Variants in SDK1 observed in about 807,000 individuals in gnomAD.
SDK1 encodes the protein sidekick cell adhesion molecule 1, also known as protein sidekick-1.
A neutral mutation model predicts 245.5 loss-of-function variants in SDK1; 157 were observed. That is an observed-to-expected ratio of 0.64 (90% confidence interval 0.56 to 0.73). The LOEUF (loss-of-function observed/expected upper bound fraction) is 0.73. Ranked by LOEUF, SDK1 falls within the 30% of genes least tolerant of loss-of-function variation. The pLI is 0.00. For missense variants in SDK1, 3,583 were observed against 3,002.3 expected (o/e 1.19, Z -4.52); for synonymous variants, 1,647 against 1,278.5 (o/e 1.29, Z -6.15).
chr7:3,669,962 A>C (rs990769913), intron 4 of SDK1, among the ~76,000 whole-genome samples: 1 of 152,216 alleles, frequency 6.6e-6, no homozygotes, highest in Non-Finnish European at 1.5e-5. Context: ...AGAACCAAGG[A>C]ATTATCCTTG....
rs572656272 is a variant in SDK1, at chr7:3,954,614, C to T, written c.1150+2694C>T. Among the ~76,000 whole-genome samples the T allele has an allele frequency of 1.0e-4, 13 of 127,206 alleles. No individual in the cohort carries two copies. The East Asian group carries it at 2.9e-3, about 29-fold the overall frequency. The allele number at this position is 127,206 out of a possible 152,430, so 83.5% of individuals were successfully genotyped here. On this transcript the variant is annotated intron_variant, in intron 7 of 44. Coordinates refer to ENST00000404826, the MANE Select transcript of SDK1 (RefSeq NM_152744.4). ...TCCGCCCTCCGTTCCCACCTCCCCT[C>T]TACACCTTCCCCTCTGGCCTCCCCT...
intron 1 of SDK1, among the ~76,000 whole-genome samples, chr7:3,475,353 C>G (rs781468015): frequency 2.0e-5 from 3 of 152,202 alleles, no homozygotes; most frequent in Admixed American, 6.5e-5. Flanking sequence ...CCTATTCGCA[C>G]TGGTTCATAG....
intron 13 of SDK1, among the ~76,000 whole-genome samples, chr7:3,985,545 G>A (rs1206313262): frequency 6.6e-6 from 1 of 152,156 alleles, no homozygotes. Context: ...CCAGCACTTC[G>A]AGAGGCCGAG....
intron 13 of SDK1, among the ~76,000 whole-genome samples, chr7:3,980,464 G>C (rs1783316999): frequency 6.6e-6 from 1 of 152,170 alleles, no homozygotes; most frequent in Non-Finnish European, 1.5e-5. Context: ...CTGTCTGTGA[G>C]TCACTCTACT....
At chr7:3,442,937 C>G (rs1326704616) in intron 1 of SDK1, among the ~76,000 whole-genome samples, 3 of 152,112 alleles carry the variant, frequency 2.0e-5, no homozygotes, top group Admixed American at 6.5e-5. Flanking sequence ...CATTTAAAAA[C>G]TAATTTCTCC....
chr7:3,663,914 A>G (rs192080756), intron 4 of SDK1, among the ~76,000 whole-genome samples: 1 of 152,246 alleles, frequency 6.6e-6, no homozygotes, highest in African/African-American at 2.4e-5. Context: ...GGAATGTATC[A>G]TTGTCACTGT....
chr7:4,223,694 A>G (rs1453331286), intron 40 of SDK1, among the ~76,000 whole-genome samples: 2 of 152,092 alleles, frequency 1.3e-5, no homozygotes, highest in South Asian at 2.1e-4. Flanking sequence ...CAACTACCCT[A>G]TTTCCAAATA....
chr7:4,150,772 C>T (rs922849134), intron 30 of SDK1, among the ~76,000 whole-genome samples: 2 of 152,194 alleles, frequency 1.3e-5, no homozygotes, highest in Non-Finnish European at 2.9e-5. Context: ...TGTAACTGGT[C>T]CTAGATGTGA....
At chr7:4,002,627 T>A (rs767941236) in intron 14 of SDK1, among the ~76,000 whole-genome samples, 1 of 152,248 alleles carries the variant, frequency 6.6e-6, no homozygotes, top group African/African-American at 2.4e-5. Context: ...AGTGAACTTC[T>A]ATCATTTTTT....
intron 1 of SDK1, among the ~76,000 whole-genome samples, chr7:3,540,026 A>G (rs1413030087): frequency 2.0e-5 from 3 of 152,216 alleles, no homozygotes; most frequent in African/African-American, 7.2e-5. Context: ...TTCATTTCAA[A>G]TTTATGATAT....
intron 38 of SDK1, among the ~76,000 whole-genome samples, chr7:4,214,640 A>G (rs575333836): frequency 1.3e-5 from 2 of 151,626 alleles, no homozygotes; most frequent in East Asian, 1.9e-4. Flanking sequence ...AGAACAAGCC[A>G]TGCAGACCCC....
intron 4 of SDK1, among the ~76,000 whole-genome samples, chr7:3,665,965 C>G (rs577942171): frequency 6.6e-6 from 1 of 152,252 alleles, no homozygotes; most frequent in South Asian, 2.1e-4. Flanking sequence ...TCTCGGTTGG[C>G]TCACACTTCC....
intron 1 of SDK1, among the ~76,000 whole-genome samples, chr7:3,521,572 G>A (rs1024111456): frequency 6.6e-6 from 1 of 152,168 alleles, no homozygotes; most frequent in African/African-American, 2.4e-5. Flanking sequence ...GAGTTTAAAG[G>A]AAAGAAAAAT....
intron 1 of SDK1, among the ~76,000 whole-genome samples, chr7:3,572,918 G>A (rs1780161285): frequency 6.6e-6 from 1 of 152,076 alleles, no homozygotes; most frequent in African/African-American, 2.4e-5. Context: ...CAGTTGAAAA[G>A]TAAGTAGGAA....
At chr7:3,558,570 G>A (rs1476801168) in intron 1 of SDK1, among the ~76,000 whole-genome samples, 1 of 152,220 alleles carries the variant, frequency 6.6e-6, no homozygotes, top group Non-Finnish European at 1.5e-5. Flanking sequence ...TGGACAGGGA[G>A]GGAGAGGTTA....
At chr7:4,086,223 G>T (rs1402836600) in intron 22 of SDK1, among the ~76,000 whole-genome samples, 1 of 152,150 alleles carries the variant, frequency 6.6e-6, no homozygotes, top group East Asian at 1.9e-4. Flanking sequence ...TGCCCGGTGT[G>T]CATGAGCTGG....
intron 19 of SDK1, among the ~76,000 whole-genome samples, chr7:4,067,475 G>A (rs890776072): frequency 2.6e-5 from 4 of 152,154 alleles, no homozygotes; most frequent in African/African-American, 9.7e-5. Context: ...CAGACACGGG[G>A]TTGCATACAC....
intron 1 of SDK1, among the ~76,000 whole-genome samples, chr7:3,588,578 G>A (rs916040033): frequency 2.6e-5 from 4 of 152,134 alleles, no homozygotes; most frequent in Non-Finnish European, 4.4e-5. Flanking sequence ...ATTCATTGTT[G>A]AGGTGATGAA....
At chr7:3,772,404 T>A (rs951914670) in intron 4 of SDK1, among the ~76,000 whole-genome samples, 11 of 152,184 alleles carry the variant, frequency 7.2e-5, no homozygotes, top group African/African-American at 2.7e-4. Flanking sequence ...CCCACTGTTT[T>A]CAGTTGTTGA....
Sources: gnomAD v4.1 joint callset for allele counts (sites outside exome capture counted in the v4.1 genomes callset) on GRCh38, gnomAD v4.1.1 for gene constraint, MANE v1.5 for transcripts, NCBI Gene and HGNC (gene_info 2026-07-23, HGNC 2026-07-21) for gene names.